MALRD1: variants seen among roughly 807,000 people sequenced by gnomAD.
MALRD1 encodes MAM and LDL-receptor class A domain-containing protein 1.
In MALRD1, 247 loss-of-function variants were observed where a neutral mutation model predicts 242.1. That is an observed-to-expected ratio of 1.02 (90% CI 0.92 to 1.13). The LOEUF is 1.13. MALRD1 is among the 50% of genes most tolerant of loss of function. The probability of loss-of-function intolerance (pLI) is 0.00; values close to 1 mark genes in which losing one functional copy is unlikely to be tolerated. For synonymous variants in MALRD1, 995 were observed against 866.6 expected (o/e 1.15, Z -2.60); for missense variants, 2,989 against 2,533.1 (o/e 1.18, Z -3.86).
intron 2 of MALRD1, among the ~76,000 whole-genome samples, chr10:19,077,087 TTAGATTG>T (rs1189390110): frequency 9.2e-5 from 14 of 151,998 alleles, no homozygotes; most frequent in Non-Finnish European, 2.1e-4. Flanking sequence ...TGATTTTATT[TTAGATTG>T]TTCCTTGCCA....
intron 29 of MALRD1, among the ~76,000 whole-genome samples, chr10:19,468,566 A>G (rs1021918474): frequency 2.0e-5 from 3 of 152,036 alleles, no homozygotes; most frequent in Non-Finnish European, 4.4e-5. Flanking sequence ...ATTAAATATC[A>G]TAAGCACATT....
intron 34 of MALRD1, among the ~76,000 whole-genome samples, chr10:19,607,336 G>T (rs1383880923): frequency 6.6e-6 from 1 of 152,122 alleles, no homozygotes; most frequent in Non-Finnish European, 1.5e-5. Context: ...CAGGTTTGGT[G>T]TCTCCTAAGG....
At chr10:19,238,938 T>C (rs11009074) in intron 18 of MALRD1, among the ~76,000 whole-genome samples, 32,800 of 151,850 alleles carry the variant, frequency 0.22, 3,698 homozygotes, top group Admixed American at 0.34. Flanking sequence ...ACTGGTATCT[T>C]ATTGTGGTTT....
chr10:19,262,827 T>C (rs762844224), intron 19 of MALRD1, among the ~76,000 whole-genome samples: 6 of 152,198 alleles, frequency 3.9e-5, no homozygotes, highest in Admixed American at 1.3e-4. Flanking sequence ...TAACTACCTC[T>C]GTACTCTGTT....
intron 14 of MALRD1, among the ~76,000 whole-genome samples, chr10:19,198,773 AT>A (rs1836378649): frequency 6.6e-6 from 1 of 152,196 alleles, no homozygotes; most frequent in Non-Finnish European, 1.5e-5. Context: ...ATGTATTGGC[AT>A]TTTTAAAAGA....
At chr10:19,408,733 G>A (rs1267452697) in intron 28 of MALRD1, among the ~76,000 whole-genome samples, 1 of 151,998 alleles carries the variant, frequency 6.6e-6, no homozygotes, top group Non-Finnish European at 1.5e-5. Flanking sequence ...ATCACTACAC[G>A]CCGACCAGAA....
At chr10:19,258,493 C>G (rs1839613195) in intron 19 of MALRD1, among the ~76,000 whole-genome samples, 1 of 152,132 alleles carries the variant, frequency 6.6e-6, no homozygotes, top group Non-Finnish European at 1.5e-5. Flanking sequence ...GATCTCCTCC[C>G]TGGAGTGATC....
At chr10:19,191,751 A>C (rs1014357238) in intron 14 of MALRD1, among the ~76,000 whole-genome samples, 2 of 152,162 alleles carry the variant, frequency 1.3e-5, no homozygotes, top group African/African-American at 4.8e-5. Context: ...TAATCCTAGC[A>C]CTTTGGGAGG....
At chr10:19,196,159 A>G (rs1156770749) in intron 14 of MALRD1, among the ~76,000 whole-genome samples, 2 of 152,122 alleles carry the variant, frequency 1.3e-5, no homozygotes, top group Admixed American at 1.3e-4. Flanking sequence ...TCTTCTGTCT[A>G]CCAGTCTTTT....
At position 19,509,776 on chromosome 10, in the gene MALRD1, A is replaced by G. The variant is rs77079652; in HGVS notation, c.5320+11130A>G. Reference sequence around the variant, plus strand: ...TACCAGGCAGACTACTATGATGACTATCAGAAGGATAATACCAAGACACTG... The same window carrying G: ...TACCAGGCAGACTACTATGATGACTGTCAGAAGGATAATACCAAGACACTG... On this transcript the variant is annotated intron_variant, in intron 31 of 39. Transcript: ENST00000454679. 2.4e-3 allele frequency among the ~76,000 whole-genome samples: 370 copies of G among 152,328 alleles called. 7 individuals are homozygous for G. The East Asian group carries it at 0.051, about 21-fold the overall frequency.
intron 29 of MALRD1, among the ~76,000 whole-genome samples, chr10:19,485,467 C>T (rs1040526255): frequency 3.3e-5 from 5 of 151,996 alleles, no homozygotes; most frequent in Non-Finnish European, 5.9e-5. Flanking sequence ...TAGGGTGAAA[C>T]CCCGTCTCTA....
intron 33 of MALRD1, among the ~76,000 whole-genome samples, chr10:19,589,521 C>T (rs533126743): frequency 6.6e-6 from 1 of 152,096 alleles, no homozygotes; most frequent in Non-Finnish European, 1.5e-5. Context: ...GAAACACTCC[C>T]TAAAGCACAT....
upstream of MALRD1, among the ~76,000 whole-genome samples, chr10:19,048,297 A>G (rs73591903): frequency 2.1e-3 from 317 of 152,326 alleles, no homozygotes; most frequent in African/African-American, 7.1e-3. Context: ...TGTCCCCTCA[A>G]CTTTTAAAAA....
At chr10:19,524,302 C>G (rs750690557) in intron 31 of MALRD1, among the ~76,000 whole-genome samples, 48 of 151,836 alleles carry the variant, frequency 3.2e-4, no homozygotes, top group Non-Finnish European at 5.1e-4. Context: ...GTGGTGAAAC[C>G]CTGTCTCTAC....
At chr10:19,147,853 AC>A (rs1833779238) in intron 11 of MALRD1, among the ~76,000 whole-genome samples, 1 of 152,214 alleles carries the variant, frequency 6.6e-6, no homozygotes, top group Admixed American at 6.5e-5. Flanking sequence ...AGAAGACGGA[AC>A]CAAAGAGAGG....
intron 22 of MALRD1, among the ~76,000 whole-genome samples, chr10:19,324,589 C>T (rs1045848096): frequency 4.9e-5 from 6 of 123,336 alleles, no homozygotes; most frequent in Admixed American, 2.6e-4. Context: ...ACACTTCACT[C>T]AGAGATCTTA....
chr10:19,457,094 A>G (rs779633190), intron 29 of MALRD1, among the ~76,000 whole-genome samples: 2 of 152,200 alleles, frequency 1.3e-5, no homozygotes, highest in South Asian at 2.1e-4. Flanking sequence ...CAACACCATC[A>G]TATTTAATTG....
At chr10:19,219,289 A>G (rs2131659613) in intron 18 of MALRD1, among the ~76,000 whole-genome samples, 1 of 152,312 alleles carries the variant, frequency 6.6e-6, no homozygotes, top group African/African-American at 2.4e-5. Flanking sequence ...CTAATTATAT[A>G]AAAACATACT....
chr10:19,520,723 GT>G (rs1015581922), intron 31 of MALRD1, among the ~76,000 whole-genome samples: 1 of 152,008 alleles, frequency 6.6e-6, no homozygotes, highest in Non-Finnish European at 1.5e-5. Flanking sequence ...TCTGAGACAG[GT>G]TTTTTACCTT....
Sources: allele counts gnomAD v4.1 joint callset (sites outside exome capture counted in the v4.1 genomes callset), GRCh38; gene constraint gnomAD v4.1.1; transcripts MANE v1.5; gene names NCBI Gene and HGNC (gene_info 2026-07-23, HGNC 2026-07-21).